CREB5: variants seen among roughly 807,000 people sequenced by gnomAD.
The protein encoded by CREB5 is cyclic AMP-responsive element-binding protein 5.
CREB5 carries 19 observed loss-of-function variants against 57.1 expected under a neutral mutation model. That is an observed-to-expected ratio of 0.33 (90% CI 0.23 to 0.49). CREB5 has a LOEUF of 0.49. Among genes scored for constraint, CREB5 ranks in the 20% least tolerant of loss-of-function variants. The pLI is 0.99. For missense variants in CREB5, 579 were observed against 671.6 expected (o/e 0.86, Z 1.52); for synonymous variants, 238 against 238.3 (o/e 1.00, Z 0.01).
intron 1 of CREB5, among the ~76,000 whole-genome samples, chr7:28,458,463 G>A (rs976870495): frequency 2.0e-5 from 3 of 152,096 alleles, no homozygotes. Context: ...AAGTTTACAG[G>A]GACATTTAAG....
chr7:28,544,746 T>C (rs1210533534), intron 4 of CREB5, among the ~76,000 whole-genome samples: 1 of 152,150 alleles, frequency 6.6e-6, no homozygotes, highest in Non-Finnish European at 1.5e-5. Flanking sequence ...GTTGCCTCTT[T>C]GCAGATGCTA....
chr7:28,624,687 A>AC (rs57727394), intron 5 of CREB5, among the ~76,000 whole-genome samples: 2,867 of 150,138 alleles, frequency 0.019, 105 homozygotes, highest in African/African-American at 0.067. Context: ...AAAAAAAAAA[A>AC]AAAAAACAAT....
chr7:28,595,712 C>A (rs932837496), intron 5 of CREB5, among the ~76,000 whole-genome samples: 1 of 152,284 alleles, frequency 6.6e-6, no homozygotes, highest in Admixed American at 6.5e-5. Flanking sequence ...GAAGACAGAG[C>A]ATGGAAATGG....
chr7:28,397,434 C>A lies in CREB5; in HGVS notation c.-24-97472C>A, dbSNP rs745843428. Among the ~76,000 whole-genome samples the A allele has an allele frequency of 2.0e-5, 3 of 152,274 alleles. No homozygotes were observed. The South Asian group carries it at 6.2e-4, about 32-fold the overall frequency. On this transcript the variant is annotated intron_variant, in intron 1 of 9. Transcript: ENST00000396299. ...TCTGTTTGGCCCTCTTGGGTTAGAG[C>A]CAGCCTCTGGAGTAGACAGCATCTC...
chr7:28,795,147 G>A (rs1394702344), intron 7 of CREB5, among the ~76,000 whole-genome samples: 3 of 152,170 alleles, frequency 2.0e-5, no homozygotes, highest in Non-Finnish European at 4.4e-5. Context: ...TTTGATGTGT[G>A]CATTGCATAA....
chr7:28,691,419 CCAA>C (rs1801250620), intron 5 of CREB5, among the ~76,000 whole-genome samples: 2 of 91,990 alleles, frequency 2.2e-5, no homozygotes. Flanking sequence ...GACTCTGTCT[CCAA>C]AAAAAAAAAA....
chr7:28,590,567 T>C lies in CREB5; in HGVS notation c.464+20030T>C, dbSNP rs186688265. Among the ~76,000 whole-genome samples, 50 of 145,880 alleles carry C rather than the reference T, an allele frequency of 3.4e-4. 1 individual carries two copies. The highest frequency in any genetic ancestry group is 1.1e-3 in the African/African-American group (46 of 40,226). The stretch of plus-strand genomic sequence containing the variant: ...GGGGGAGGGATAGCATTAGGAGATA[T>C]ACCTAATGTAAATGACGAGTTAATG... On this transcript the variant is annotated intron_variant, in intron 5 of 10. Coordinates refer to ENST00000357727, the MANE Select transcript of CREB5 (RefSeq NM_182898.4).
intron 4 of CREB5, among the ~76,000 whole-genome samples, chr7:28,553,482 T>A (rs1794750003): frequency 1.3e-5 from 2 of 152,170 alleles, no homozygotes; most frequent in Non-Finnish European, 2.9e-5. Flanking sequence ...GCCAGGTTCC[T>A]GTTTATATGC....
intron 1 of CREB5, among the ~76,000 whole-genome samples, chr7:28,331,358 GA>G (rs1466043519): frequency 3.3e-5 from 5 of 152,080 alleles, no homozygotes; most frequent in African/African-American, 1.2e-4. Context: ...TCCATCTCAT[GA>G]AAACTTAATA....
intron 5 of CREB5, among the ~76,000 whole-genome samples, chr7:28,713,278 C>A (rs1802501547): frequency 6.6e-6 from 1 of 152,090 alleles, no homozygotes; most frequent in African/African-American, 2.4e-5. Context: ...TGAGCTCAAG[C>A]TCAAAATGCT....
intron 5 of CREB5, among the ~76,000 whole-genome samples, chr7:28,667,185 C>A (rs1318021090): frequency 1.3e-5 from 2 of 151,564 alleles, no homozygotes; most frequent in Admixed American, 1.3e-4. Context: ...GCATGCTGTC[C>A]CTGGGTGGGG....
chr7:28,576,894 G>A (rs1377701267), intron 5 of CREB5, among the ~76,000 whole-genome samples: 2 of 152,192 alleles, frequency 1.3e-5, no homozygotes, highest in African/African-American at 4.8e-5. Context: ...GGAAAAGATA[G>A]GCACAAATGA....
At position 28,823,530 on chromosome 7, in the gene CREB5, A is replaced by C. The variant is rs140900656; in HGVS notation, c.*4251A>C. 3.9e-3 allele frequency: 599 copies of C among 152,682 alleles called. 2 individuals are homozygous for C. Among genetic ancestry groups the C allele is most frequent in the Middle Eastern group, 0.037 (11 of 294 alleles). 9.5% of individuals were successfully genotyped at this position (152,682 alleles called of 1,614,324 possible). A position where few individuals can be genotyped will look rare whatever the true frequency, so the allele number is the denominator to read the frequency against. On this transcript the variant is annotated 3_prime_UTR_variant, in exon 11 of 11. Coordinates refer to ENST00000357727, the MANE Select transcript of CREB5 (RefSeq NM_182898.4). ...TTAGATCTCTGTGCATAGACATTTC[A>C]AGGATTTTTATTGCTCTGTGAGTTA... is the stretch of plus-strand genomic sequence containing the variant.
At chr7:28,496,272 T>G (rs1792041027) in intron 3 of CREB5, among the ~76,000 whole-genome samples, 1 of 152,250 alleles carries the variant, frequency 6.6e-6, no homozygotes. Flanking sequence ...GGATATGTTT[T>G]AAATGTATTA....
chr7:28,505,027 C>T (rs1346930751), intron 3 of CREB5, among the ~76,000 whole-genome samples: 1 of 152,104 alleles, frequency 6.6e-6, no homozygotes, highest in Non-Finnish European at 1.5e-5. Context: ...ACAAACTTGG[C>T]CTTATGAATT....
chr7:28,743,754 T>A (rs1022229001), intron 7 of CREB5, among the ~76,000 whole-genome samples: 1 of 150,840 alleles, frequency 6.6e-6, no homozygotes, highest in Non-Finnish European at 1.5e-5. Context: ...CAGGCCTCTC[T>A]CCTTGGCTTG....
At chr7:28,607,101 T>C (rs1365165517) in intron 5 of CREB5, among the ~76,000 whole-genome samples, 3 of 152,182 alleles carry the variant, frequency 2.0e-5, no homozygotes, top group African/African-American at 7.2e-5. Flanking sequence ...CTCCCTATCC[T>C]TCCCTTCTCC....
intron 1 of CREB5, among the ~76,000 whole-genome samples, chr7:28,426,592 G>A (rs777517120): frequency 4.6e-5 from 7 of 152,140 alleles, no homozygotes; most frequent in Non-Finnish European, 8.8e-5. Context: ...CATTCACCTA[G>A]ACATGCTGCA....
At chr7:28,501,067 CT>C (rs1383271158) in intron 3 of CREB5, among the ~76,000 whole-genome samples, 17 of 151,402 alleles carry the variant, frequency 1.1e-4, no homozygotes, top group East Asian at 3.9e-4. Flanking sequence ...ATCCTTACCA[CT>C]TTTTTTTTCA....
Sources: gnomAD v4.1 joint callset for allele counts (sites outside exome capture counted in the v4.1 genomes callset) on GRCh38, gnomAD v4.1.1 for gene constraint, MANE v1.5 for transcripts, NCBI Gene and HGNC (gene_info 2026-07-23, HGNC 2026-07-21) for gene names.